The following HPSE2 variants were observed in gnomAD, a reference collection of about 807,000 sequenced individuals.
HPSE2 encodes the protein heparanase 2 (inactive), also known as inactive heparanase-2.
In HPSE2, 38 loss-of-function variants were observed where a neutral mutation model predicts 60.5. The ratio of observed to expected loss-of-function variants is 0.63; its 90% CI spans 0.48 to 0.82. The LOEUF is 0.82. Ranked by LOEUF, HPSE2 falls within the 40% of genes least tolerant of loss-of-function variation. The probability of loss-of-function intolerance (pLI) is 0.00; values close to 1 mark genes in which losing one functional copy is unlikely to be tolerated. For synonymous variants in HPSE2, 295 were observed against 293.2 expected, an observed-to-expected ratio of 1.01 and a Z score of -0.06; for missense variants, 713 against 740.4, an observed-to-expected ratio of 0.96 and a Z score of 0.43.
chr10:98,914,593 C>T (rs1227954569), intron 3 of HPSE2, among the ~76,000 whole-genome samples: 1 of 147,368 alleles, frequency 6.8e-6, no homozygotes, highest in East Asian at 2.0e-4. Flanking sequence ...GATGTAACAT[C>T]AGCTGCATGT....
intron 3 of HPSE2, among the ~76,000 whole-genome samples, chr10:98,862,821 G>A (rs1052873030): frequency 6.6e-6 from 1 of 152,168 alleles, no homozygotes; most frequent in African/African-American, 2.4e-5. Flanking sequence ...GGGGGACATG[G>A]TGTGATCATA....
At chr10:99,237,571 A>C (rs1849891325), upstream of HPSE2, among the ~76,000 whole-genome samples, 1 of 152,230 alleles carries the variant, frequency 6.6e-6, no homozygotes, top group South Asian at 2.1e-4. Context: ...GGACTGCATA[A>C]GATGAGGATA....
chr10:98,631,241 A>G (rs1946358019), intron 7 of HPSE2, among the ~76,000 whole-genome samples: 1 of 152,224 alleles, frequency 6.6e-6, no homozygotes, highest in Admixed American at 6.5e-5. Context: ...ACCACAGAAA[A>G]GCAGTTGAAT....
chr10:98,765,067 C>T lies in HPSE2; in HGVS notation c.611-21011G>A, dbSNP rs539347575. ...TGACATAACTCAAAGAAGAAACAGC[C>T]AAATCTGCAATTACAAATGGAGACT... is the stretch of plus-strand genomic sequence containing the variant. On this transcript the variant is annotated intron_variant, in intron 3 of 11. Coordinates refer to ENST00000370552, the MANE Select transcript of HPSE2 (RefSeq NM_021828.5). Among the ~76,000 whole-genome samples the T allele has an allele frequency of 4.0e-4, 61 of 152,090 alleles. 1 individual carries two copies. In the South Asian group the frequency reaches 0.012, roughly 31 times the overall value.
intron 3 of HPSE2, among the ~76,000 whole-genome samples, chr10:98,884,522 T>C (rs1466455655): frequency 6.6e-6 from 1 of 152,120 alleles, no homozygotes; most frequent in East Asian, 1.9e-4. Flanking sequence ...CCAGTGCTCA[T>C]TTACCATTTC....
chr10:99,014,754 A>G (rs1957097873), intron 3 of HPSE2, among the ~76,000 whole-genome samples: 1 of 152,044 alleles, frequency 6.6e-6, no homozygotes, highest in Non-Finnish European at 1.5e-5. Flanking sequence ...TCTTCTTTTA[A>G]ACATGGGCAA....
the HPSE2 span, among the ~76,000 whole-genome samples, chr10:99,292,499 A>G: frequency 1.3e-5 from 2 of 152,200 alleles, no homozygotes; most frequent in Non-Finnish European, 2.9e-5. Flanking sequence ...TAGGTATTAT[A>G]GACATGAATG....
At chr10:98,760,824 G>A (rs1949988205) in intron 3 of HPSE2, among the ~76,000 whole-genome samples, 1 of 152,054 alleles carries the variant, frequency 6.6e-6, no homozygotes, top group African/African-American at 2.4e-5. Flanking sequence ...TATCACTAAA[G>A]TTGGTCTCAT....
chr10:98,992,028 A>T (rs1218519605), intron 3 of HPSE2, among the ~76,000 whole-genome samples: 3 of 152,210 alleles, frequency 2.0e-5, no homozygotes, highest in Non-Finnish European at 4.4e-5. Flanking sequence ...CTCATGTAGA[A>T]ATGAATCAAT....
chr10:98,888,179 T>A (rs1362970966), intron 3 of HPSE2, among the ~76,000 whole-genome samples: 1 of 135,176 alleles, frequency 7.4e-6, no homozygotes, highest in Non-Finnish European at 1.5e-5. Flanking sequence ...CACACATGCA[T>A]GATAAGGTCT....
Position 98,937,179 on chromosome 10 carries a change from G to A in HPSE2, c.611-193123C>T, listed in dbSNP as rs1408068658. Among the ~76,000 whole-genome samples the A allele has an allele frequency of 1.4e-5, 2 of 143,740 alleles. 1 individual carries two copies. Among genetic ancestry groups the A allele is most frequent in the Non-Finnish European group, 3.0e-5 (2 of 67,116 alleles). 94.3% of individuals were successfully genotyped at this position (143,740 alleles called of 152,430 possible). A position where few individuals can be genotyped will look rare whatever the true frequency, so the allele number is the denominator to read the frequency against. ...GCGACACAGAACACGGGTGATTTCT[G>A]CATTTCCATCTGAGGTACCAGGTTC... On this transcript the variant is annotated intron_variant, in intron 3 of 11. Coordinates refer to ENST00000370552, the MANE Select transcript of HPSE2 (RefSeq NM_021828.5).
intron 10 of HPSE2, among the ~76,000 whole-genome samples, chr10:98,484,045 TGA>T (rs1941346758): frequency 6.6e-6 from 1 of 152,218 alleles, no homozygotes; most frequent in African/African-American, 2.4e-5. Flanking sequence ...TTTGTCAACC[TGA>T]GAGGTGAAAA....
intron 3 of HPSE2, among the ~76,000 whole-genome samples, chr10:98,745,323 C>G (rs1163813481): frequency 6.6e-6 from 1 of 152,200 alleles, no homozygotes; most frequent in East Asian, 1.9e-4. Context: ...TGCCACCATT[C>G]TTTTTCTGGC....
intron 5 of HPSE2, among the ~76,000 whole-genome samples, chr10:98,703,602 A>C (rs1464686002): frequency 2.6e-5 from 4 of 152,208 alleles, no homozygotes; most frequent in Non-Finnish European, 4.4e-5. Flanking sequence ...CCTGGGATGC[A>C]GGGCTGGTTC....
At chr10:98,462,718 G>A (rs139559025) in intron 11 of HPSE2, among the ~76,000 whole-genome samples, 205 of 152,112 alleles carry the variant, frequency 1.3e-3, no homozygotes, top group African/African-American at 4.8e-3. Flanking sequence ...AGATGCTAGG[G>A]TTCCTAGTGT....
At chr10:98,532,004 T>G (rs551921366) in intron 9 of HPSE2, among the ~76,000 whole-genome samples, 1 of 152,330 alleles carries the variant, frequency 6.6e-6, no homozygotes, top group Non-Finnish European at 1.5e-5. Flanking sequence ...GCAAATATAT[T>G]TTAAGGTAAA....
chr10:98,529,937 T>C lies in HPSE2; in HGVS notation c.1321-39741A>G, dbSNP rs139620619. On this transcript the variant is annotated intron_variant, in intron 9 of 11. Transcript: ENST00000370552. ...GCTTACACATTTATATCTTCAGCCA[T>C]GGTATTGAAAAAGGTTTATGCCACA... is the stretch of plus-strand genomic sequence containing the variant. 4.4e-3 allele frequency among the ~76,000 whole-genome samples: 677 copies of C among 152,314 alleles called. 2 individuals carry two copies. Among genetic ancestry groups the C allele is most frequent in the Non-Finnish European group, 6.2e-3 (421 of 68,030 alleles).
chr10:98,579,587 C>T (rs1464468866), intron 9 of HPSE2, among the ~76,000 whole-genome samples: 4 of 152,200 alleles, frequency 2.6e-5, no homozygotes. Flanking sequence ...CACTTCTCCC[C>T]CCTTCCACTT....
At chr10:98,504,307 G>T (rs1942123113) in intron 9 of HPSE2, among the ~76,000 whole-genome samples, 1 of 151,958 alleles carries the variant, frequency 6.6e-6, no homozygotes, top group Non-Finnish European at 1.5e-5. Context: ...CATTTTAATT[G>T]TTATTATAAT....
Sources: gnomAD v4.1 joint callset for allele counts (sites outside exome capture counted in the v4.1 genomes callset) on GRCh38, gnomAD v4.1.1 for gene constraint, MANE v1.5 for transcripts, NCBI Gene and HGNC (gene_info 2026-07-23, HGNC 2026-07-21) for gene names.